The following CNTN5 variants were observed in gnomAD, a reference collection of about 807,000 sequenced individuals.
The protein encoded by CNTN5 is contactin 5, also known as contactin-5.
CNTN5 carries 77 observed loss-of-function variants against 129.1 expected under a neutral mutation model. That is an observed-to-expected ratio of 0.60 (90% CI 0.50 to 0.72). CNTN5 has a LOEUF of 0.72. Among genes scored for constraint, CNTN5 ranks in the 30% least tolerant of loss-of-function variants. CNTN5 has a pLI of 0.00. For synonymous variants in CNTN5, 509 were observed against 465.6 expected, an observed-to-expected ratio of 1.09 and a Z score of -1.20; for missense variants, 1,478 against 1,328.8, an observed-to-expected ratio of 1.11 and a Z score of -1.75.
At chr11:100,167,608 T>C (rs935014601) in intron 13 of CNTN5, among the ~76,000 whole-genome samples, 1 of 151,840 alleles carries the variant, frequency 6.6e-6, no homozygotes, top group South Asian at 2.1e-4. Context: ...ATTAACTGCT[T>C]TTCTGAAGGA....
chr11:99,977,556 G>A (rs1938067838), intron 8 of CNTN5, among the ~76,000 whole-genome samples: 1 of 152,188 alleles, frequency 6.6e-6, no homozygotes, highest in South Asian at 2.1e-4. Flanking sequence ...ATGGCAGAAT[G>A]CAGACAGACA....
intron 1 of CNTN5, among the ~76,000 whole-genome samples, chr11:99,029,290 C>G (rs928094070): frequency 6.6e-6 from 1 of 151,578 alleles, no homozygotes; most frequent in Non-Finnish European, 1.5e-5. Flanking sequence ...TTTAGAACAT[C>G]AGCATTTAAA....
At chr11:99,311,419 T>C (rs1234046895) in intron 1 of CNTN5, among the ~76,000 whole-genome samples, 5 of 152,184 alleles carry the variant, frequency 3.3e-5, no homozygotes, top group Admixed American at 6.5e-5. Context: ...CAGAGTTGTG[T>C]TGACCTTATC....
intron 9 of CNTN5, among the ~76,000 whole-genome samples, chr11:100,028,597 C>T (rs1359648253): frequency 6.6e-6 from 1 of 152,196 alleles, no homozygotes; most frequent in Non-Finnish European, 1.5e-5. Flanking sequence ...AAGACACAGT[C>T]CATTTCTCAA....
At position 100,175,889 on chromosome 11, in the gene CNTN5, C is replaced by T. The variant is rs560568801; in HGVS notation, c.1581-15237C>T. On this transcript the variant is annotated intron_variant, in intron 13 of 24. Coordinates refer to ENST00000524871, the MANE Select transcript of CNTN5 (RefSeq NM_014361.4). ...TTAAGACTTTCATAGGTCCTGGGCT[C>T]TCTTATTTTTTTAAGATCTCATCCT... Among the ~76,000 whole-genome samples the T allele has an allele frequency of 9.9e-5, 15 of 152,072 alleles. No homozygotes were observed. In the South Asian group the frequency reaches 3.1e-3, roughly 32 times the overall value.
Position 100,127,095 on chromosome 11 carries a change from A to ATT in CNTN5, c.1580+52827_1580+52828dup, listed in dbSNP as rs5794039. On this transcript the variant is annotated intron_variant, in intron 13 of 24. Transcript: ENST00000524871. Reference sequence around the variant, plus strand: ...AGGTGCACACCACCATGCGCAGCTAATTTTTTTTTTTTTTTTTTTTTTTTT... The same window carrying ATT: ...AGGTGCACACCACCATGCGCAGCTAATTTTTTTTTTTTTTTTTTTTTTTTTTT... Among the ~76,000 whole-genome samples, 452 of 85,610 alleles carry ATT rather than the reference A, an allele frequency of 5.3e-3. 19 individuals carry two copies. Among genetic ancestry groups the ATT allele is most frequent in the African/African-American group, 0.019 (410 of 21,998 alleles). 56.2% of individuals were successfully genotyped at this position (85,610 alleles called of 152,430 possible).
chr11:100,275,861 T>C (rs147323393), intron 18 of CNTN5, among the ~76,000 whole-genome samples: 111 of 152,336 alleles, frequency 7.3e-4, no homozygotes, highest in Middle Eastern at 6.8e-3. Flanking sequence ...GAGCTACTAA[T>C]GGTGTTGAGC....
At chr11:99,769,117 C>T (rs1288132084) in intron 3 of CNTN5, among the ~76,000 whole-genome samples, 1 of 151,954 alleles carries the variant, frequency 6.6e-6, no homozygotes, top group Non-Finnish European at 1.5e-5. Context: ...ACATTACTTG[C>T]AATATTCTTT....
At chr11:99,094,135 A>G (rs1866372594) in intron 1 of CNTN5, among the ~76,000 whole-genome samples, 1 of 152,004 alleles carries the variant, frequency 6.6e-6, no homozygotes, top group African/African-American at 2.4e-5. Flanking sequence ...GTCACTATCT[A>G]TCAAATATCC....
At chr11:99,253,704 G>A (rs1377008426) in intron 1 of CNTN5, among the ~76,000 whole-genome samples, 1 of 151,440 alleles carries the variant, frequency 6.6e-6, no homozygotes, top group Non-Finnish European at 1.5e-5. Flanking sequence ...CCTCGTTGCT[G>A]TATAATTTTT....
intron 2 of CNTN5, among the ~76,000 whole-genome samples, chr11:99,349,748 G>T (rs934622541): frequency 6.6e-6 from 1 of 152,094 alleles, no homozygotes; most frequent in African/African-American, 2.4e-5. Context: ...TTAAGAACAG[G>T]ATATGGTGGC....
chr11:100,228,255 C>G (rs1224025777), intron 16 of CNTN5, among the ~76,000 whole-genome samples: 1 of 152,150 alleles, frequency 6.6e-6, no homozygotes, highest in Non-Finnish European at 1.5e-5. Context: ...GAATACACAG[C>G]CTTTCCTCAA....
chr11:99,509,081 T>C (rs1946737478), intron 2 of CNTN5, among the ~76,000 whole-genome samples: 1 of 152,112 alleles, frequency 6.6e-6, no homozygotes, highest in Non-Finnish European at 1.5e-5. Flanking sequence ...ACAGATATGA[T>C]ATGGGGGGAA....
rs1337600345 is a variant in CNTN5 at position 100,035,823 on chromosome 11, T to TC, written c.981-25389_981-25388insC. On this transcript the variant is annotated intron_variant, in intron 9 of 24. Transcript: ENST00000524871. ...GCCCACTTTTTGATGGGGTTGTTTTTTTCTTGTAAATTTGTTTGAGTTCAT... is the reference window on the plus strand; with the variant it reads ...GCCCACTTTTTGATGGGGTTGTTTTTCTTCTTGTAAATTTGTTTGAGTTCAT... 1.1e-4 allele frequency among the ~76,000 whole-genome samples: 16 copies of TC among 152,196 alleles called. No individual in the cohort carries two copies. The East Asian group carries it at 3.1e-3, about 29-fold the overall frequency.
At chr11:99,777,131 GTTTA>G (rs2135368382) in intron 3 of CNTN5, among the ~76,000 whole-genome samples, 1 of 151,884 alleles carries the variant, frequency 6.6e-6, no homozygotes, top group South Asian at 2.1e-4. Context: ...TTGAACAGAT[GTTTA>G]TTATGGTGAA....
At chr11:99,166,325 C>G (rs1860863454) in intron 1 of CNTN5, among the ~76,000 whole-genome samples, 1 of 149,788 alleles carries the variant, frequency 6.7e-6, no homozygotes, top group Non-Finnish European at 1.5e-5. Context: ...CCTCTTGAAC[C>G]AGGAGGCGGA....
chr11:100,331,623 A>G (rs1951908570), intron 21 of CNTN5, among the ~76,000 whole-genome samples: 1 of 152,186 alleles, frequency 6.6e-6, no homozygotes. Context: ...AATCAAAATT[A>G]TGTCAATTAG....
intron 13 of CNTN5, among the ~76,000 whole-genome samples, chr11:100,110,213 A>G (rs1325081735): frequency 6.7e-6 from 1 of 149,950 alleles, no homozygotes; most frequent in Admixed American, 6.6e-5. Flanking sequence ...AAAGAAAAAG[A>G]AAAGATAAAA....
In CNTN5 at chr11:100,224,551, T is replaced by C. The variant is rs1472254972; in HGVS notation, c.1885-141T>C. 4.6e-6 allele frequency: 3 copies of C among 648,980 alleles called. No individual in the cohort carries two copies. In the East Asian group the frequency reaches 7.9e-5, roughly 17 times the overall value. 40.2% of individuals were successfully genotyped at this position (648,980 alleles called of 1,614,324 possible). A position where few individuals can be genotyped will look rare whatever the true frequency, so the allele number is the denominator to read the frequency against. On this transcript the variant is annotated intron_variant, in intron 15 of 24. Transcript: ENST00000524871. ...TCTATGTGTTCCTTAAAAAAGGGCATGTTTGATTTCTGAATTGTTGTTAGA... is the reference window on the plus strand; with the variant it reads ...TCTATGTGTTCCTTAAAAAAGGGCACGTTTGATTTCTGAATTGTTGTTAGA...
Sources: gnomAD v4.1 joint callset for allele counts (sites outside exome capture counted in the v4.1 genomes callset) on GRCh38, gnomAD v4.1.1 for gene constraint, MANE v1.5 for transcripts, NCBI Gene and HGNC (gene_info 2026-07-23, HGNC 2026-07-21) for gene names.